MYH14: variants seen among roughly 807,000 people sequenced by gnomAD.
MYH14 encodes myosin heavy chain 14, also known as myosin-14.
Under a neutral mutation model 255.5 loss-of-function variants are expected in MYH14, and 123 were observed. The observed-to-expected ratio is 0.48, with a 90% CI of 0.42 to 0.56. The LOEUF (loss-of-function observed/expected upper bound fraction) is 0.56. MYH14 is among the 20% of genes least tolerant of loss of function. The pLI is 0.00. For synonymous variants in MYH14, 1,095 were observed against 1,161.2 expected, an observed-to-expected ratio of 0.94 and a Z score of 1.16; for missense variants, 2,423 against 2,802.3, an observed-to-expected ratio of 0.86 and a Z score of 3.06.
chr19:50,308,422 A>G (rs60389477), intron 41 of MYH14: 6,233 of 152,374 alleles, frequency 0.041, 144 homozygotes, highest in Middle Eastern at 0.051. Flanking sequence ...CCCTCTGCTG[A>G]TGTGCCAAGT....
At chr19:50,225,165 C>A (rs1007881107) in intron 6 of MYH14, among the ~76,000 whole-genome samples, 1 of 152,154 alleles carries the variant, frequency 6.6e-6, no homozygotes, top group African/African-American at 2.4e-5. Context: ...CCCTCAGTCC[C>A]CTTCCTTGGA....
At chr19:50,240,118 T>G (rs1341268311) in intron 10 of MYH14, among the ~76,000 whole-genome samples, 1 of 152,228 alleles carries the variant, frequency 6.6e-6, no homozygotes. Context: ...ACCTGGCTTC[T>G]GTCACTCAGC....
chr19:50,280,253 G>A lies in MYH14; in HGVS notation c.4160G>A (p.Arg1387Lys), dbSNP rs1172781276. ...CAGGAGCTGCTGCAGGAGGAGACCA[G>A]GGCGAAATTGGCCTTGGGGTCCCGG... Reference protein sequence around the residue: ...DAQELLQEETRAKLALGSRVR... With the variant: ...DAQELLQEETKAKLALGSRVR... Residue 1387 changes from arginine to lysine, a missense_variant, in exon 32 of 43, where the codon AGG becomes AAG. Around this residue, in one of 3 missense-constraint regions of MYH14, gnomAD observed 1,513 missense variants for 1,674.8 expected, o/e 0.90. Coordinates refer to ENST00000642316, the MANE Select transcript of MYH14 (RefSeq NM_001145809.2). The surrounding 1 kb of genome is among the most constrained non-coding windows in gnomAD (Gnocchi z 4.8). 6.4e-7 allele frequency: 1 copy of A among 1,551,758 alleles called. No homozygotes were observed. Among genetic ancestry groups the A allele is most frequent in the South Asian group, 1.2e-5 (1 of 84,058 alleles).
rs978946279 is a variant in MYH14 at position 50,266,281 on chromosome 19, G to A, written c.2695-596G>A. ...CAGGCTTAAGAAACACTGGCCTTTG[G>A]CCAGGCATGGTGGCTCATGCCTATA... On this transcript the variant is annotated intron_variant, in intron 22 of 42. Transcript: ENST00000642316. The surrounding 1 kb of genome is among the most constrained non-coding windows in gnomAD (Gnocchi z 4.1). 1.3e-5 allele frequency among the ~76,000 whole-genome samples: 2 copies of A among 152,222 alleles called. No individual in the cohort carries two copies. The highest frequency in any genetic ancestry group is 4.8e-5 in the African/African-American group (2 of 41,456).
At position 50,309,627 on chromosome 19, in the gene MYH14, C is replaced by G. The variant is rs778927883; in HGVS notation, c.5961-13C>G. The G allele has an allele frequency of 5.8e-6, 9 of 1,548,108 alleles. No individual in the cohort carries two copies. The East Asian group carries it at 1.7e-4, about 30-fold the overall frequency. ...TCATTTCATCTCTGTATCCTGGTCT[C>G]TCCTCCCCACAGACGCGGCCCCCTC... is the stretch of plus-strand genomic sequence containing the variant. On this transcript the variant is annotated splice_polypyrimidine_tract_variant and intron_variant, in intron 42 of 42. Coordinates refer to ENST00000642316, the MANE Select transcript of MYH14 (RefSeq NM_001145809.2).
At chr19:50,282,510 T>C (rs955812935) in intron 33 of MYH14, among the ~76,000 whole-genome samples, 6 of 152,164 alleles carry the variant, frequency 3.9e-5, no homozygotes, top group Non-Finnish European at 8.8e-5. Context: ...ACAACCAGCA[T>C]GGGCAACACG....
chr19:50,283,495 T>C (rs1230561121), intron 33 of MYH14, among the ~76,000 whole-genome samples: 5 of 152,238 alleles, frequency 3.3e-5, no homozygotes, highest in Non-Finnish European at 5.9e-5. Flanking sequence ...AATGTATTTT[T>C]GCTGCTGAAT....
intron 40 of MYH14, among the ~76,000 whole-genome samples, chr19:50,306,049 C>A (rs1295181286): frequency 6.6e-6 from 1 of 152,146 alleles, no homozygotes; most frequent in Non-Finnish European, 1.5e-5. Context: ...GAGGCCGAGG[C>A]GGGCGGATCA....
Position 50,260,662 on chromosome 19 carries a change from C to T in MYH14, c.2371C>T (p.Pro791Ser). ...EFRQRYEILT[P>S]NAIPKGFMDG... ...TCATTGCAGATACGAGATCCTGACA[C>T]CCAATGCCATCCCCAAGGGCTTCAT... Residue 791 changes from proline (P) to serine (S), a missense_variant, in exon 20 of 43, where the codon CCC becomes TCC. Coordinates refer to ENST00000642316, the MANE Select transcript of MYH14 (RefSeq NM_001145809.2). 6.2e-7 allele frequency: 1 copy of T among 1,613,412 alleles called. No individual in the cohort carries two copies. The highest frequency in any genetic ancestry group is 8.5e-7 in the Non-Finnish European group (1 of 1,179,702).
chr19:50,271,579 G>A, intron 25 of MYH14, 33 bp downstream of exon 25: 5 of 1,592,930 alleles, frequency 3.1e-6, no homozygotes, highest in Non-Finnish European at 4.3e-6. Context: ...GGAAAGTGGG[G>A]ATGGGGTGCA....
At chr19:50,215,295 C>T (rs1282041826) in intron 2 of MYH14, among the ~76,000 whole-genome samples, 1 of 152,198 alleles carries the variant, frequency 6.6e-6, no homozygotes, top group Non-Finnish European at 1.5e-5. Context: ...ATGAGATACC[C>T]TCCCAGGGAA....
rs553541730 is a variant in MYH14, at chr19:50,283,911, A to G, written c.4539+2069A>G. Among the ~76,000 whole-genome samples the G allele has an allele frequency of 4.6e-5, 7 of 152,266 alleles. No homozygotes were observed. The South Asian group carries it at 1.2e-3, about 27-fold the overall frequency. ...AACATGGAGAAACCCCGTCTCTACT[A>G]AAAATACAAAATTAGGTAGGCATGG... On this transcript the variant is annotated intron_variant, in intron 33 of 42. Coordinates refer to ENST00000642316, the MANE Select transcript of MYH14 (RefSeq NM_001145809.2).
intron 10 of MYH14, among the ~76,000 whole-genome samples, chr19:50,242,109 C>T (rs923993456): frequency 1.3e-5 from 2 of 152,166 alleles, no homozygotes; most frequent in African/African-American, 2.4e-5. Flanking sequence ...CTGTAGAAAC[C>T]GTCCGCATCC....
At chr19:50,260,523 C>T (rs2034783737) in intron 19 of MYH14, 123 bp from the exon 20 acceptor site, 1 of 678,184 alleles carries the variant, frequency 1.5e-6, no homozygotes, top group Non-Finnish European at 2.7e-6. Context: ...TTGTGACTGT[C>T]CTTGTTATTG....
intron 5 of MYH14, 126 bp from the exon 6 acceptor site, chr19:50,224,028 G>T (rs1222967588): frequency 4.3e-6 from 3 of 704,010 alleles, no homozygotes; most frequent in East Asian, 2.7e-5. Context: ...CCACATGCCC[G>T]GTTTCCCCAG....
In MYH14 at chr19:50,289,688, G is replaced by C. The variant is rs369548789; in HGVS notation, c.4965+40G>C. On this transcript the variant is annotated intron_variant, in intron 35 of 42. Transcript: ENST00000642316. ...AAGGCCACAGGGTGCCAGTCCAGCT[G>C]GGGTATGCCATGGTGTGTACAGGCA... is the stretch of plus-strand genomic sequence containing the variant. 8 of 1,555,266 alleles carry C rather than the reference G, an allele frequency of 5.1e-6. No individual in the cohort carries two copies. In the African/African-American group the frequency reaches 1.1e-4, roughly 21 times the overall value.
chr19:50,257,310 G>C lies in MYH14; in HGVS notation c.2056G>C (p.Val686Leu). Residue 686 changes from valine to leucine, a missense_variant, in exon 18 of 43, where the codon GTG becomes CTG. Around this residue, in one of 3 missense-constraint regions of MYH14, gnomAD observed 672 missense variants for 881.8 expected, o/e 0.76. Coordinates refer to ENST00000642316, the MANE Select transcript of MYH14 (RefSeq NM_001145809.2). ...TCTCCATCTGACAGTGGAGGGCATC[G>C]TGGGGCTGGAACAGGTGAGCAGCCT... Reference protein sequence around the residue: ...AISPPGVEGIVGLEQVSSLGD... With the variant: ...AISPPGVEGILGLEQVSSLGD... The C allele has an allele frequency of 2.5e-6, 4 of 1,601,954 alleles. No homozygotes were observed. The highest frequency in any genetic ancestry group is 3.4e-6 in the Non-Finnish European group (4 of 1,172,222).
At chr19:50,289,135 A>G (rs1482165670) in intron 34 of MYH14, among the ~76,000 whole-genome samples, 1 of 152,168 alleles carries the variant, frequency 6.6e-6, no homozygotes, top group African/African-American at 2.4e-5. Context: ...CTCAGAGGGA[A>G]TAATCCACCA....
intron 23 of MYH14, among the ~76,000 whole-genome samples, chr19:50,267,337 C>A (rs2035125764): frequency 1.3e-5 from 2 of 151,954 alleles, no homozygotes; most frequent in African/African-American, 4.8e-5. Context: ...TGTGGCCGGG[C>A]TATGGTATGC....
Sources: allele counts gnomAD v4.1 joint callset (sites outside exome capture counted in the v4.1 genomes callset), GRCh38; gene constraint gnomAD v4.1.1; regional missense constraint gnomAD v4.1.1; non-coding constraint Gnocchi (gnomAD v3.1); transcripts MANE v1.5; gene names NCBI Gene and HGNC (gene_info 2026-07-23, HGNC 2026-07-21).